The following PPFIA2 variants were observed in gnomAD, a reference collection of about 807,000 sequenced individuals.
The protein encoded by PPFIA2 is liprin-alpha-2.
PPFIA2 carries 46 observed loss-of-function variants against 175.5 expected under a neutral mutation model. The observed-to-expected ratio is 0.26, with a 90% CI of 0.21 to 0.34. PPFIA2 has a LOEUF of 0.34. Among genes scored for constraint, PPFIA2 ranks in the 10% least tolerant of loss-of-function variants. The probability of loss-of-function intolerance (pLI) is 1.00; values close to 1 mark genes in which losing one functional copy is unlikely to be tolerated. For missense variants in PPFIA2, 1,179 were observed against 1,506.1 expected (o/e 0.78, Z 3.60); for synonymous variants, 568 against 511.4 (o/e 1.11, Z -1.49).
chr12:81,588,889 T>A (rs2075647744), intron 4 of PPFIA2, among the ~76,000 whole-genome samples: 1 of 151,972 alleles, frequency 6.6e-6, no homozygotes, highest in Admixed American at 6.6e-5. Context: ...ACTTGCCAAG[T>A]CATTTACATA....
Position 81,642,337 on chromosome 12 carries a change from G to T in PPFIA2, c.303+34454C>A, listed in dbSNP as rs531072179. Among the ~76,000 whole-genome samples, 3 of 151,834 alleles carry T rather than the reference G, an allele frequency of 2.0e-5. No individual in the cohort carries two copies. The South Asian group carries it at 6.2e-4, about 32-fold the overall frequency. On this transcript the variant is annotated intron_variant, in intron 4 of 32. Coordinates refer to ENST00000549396, the MANE Select transcript of PPFIA2 (RefSeq NM_003625.5). ...GCAGAGTTATGTAAGATTTTATGCA[G>T]TTATTTTATCTCTCTGGCCTTAGCT...
At position 81,756,014 on chromosome 12, in the gene PPFIA2, A is replaced by G. The variant is rs74471756; in HGVS notation, c.-2-1791T>C. On this transcript the variant is annotated intron_variant, in intron 2 of 32. Coordinates refer to ENST00000549396, the MANE Select transcript of PPFIA2 (RefSeq NM_003625.5). ...AGATGCTTCAAATTTTCTTTATATT[A>G]ATTGAAAAGGAATTGGAAAACAACA... Among the ~76,000 whole-genome samples, 265 of 152,306 alleles carry G rather than the reference A, an allele frequency of 1.7e-3. 1 individual carries two copies. Among genetic ancestry groups the G allele is most frequent in the African/African-American group, 6.2e-3 (258 of 41,576 alleles).
chr12:81,521,166 GC>G (rs1356105617), intron 4 of PPFIA2, among the ~76,000 whole-genome samples: 1 of 151,324 alleles, frequency 6.6e-6, no homozygotes, highest in Non-Finnish European at 1.5e-5. Context: ...GGAATACAAT[GC>G]ATTCTTGACT....
At chr12:81,312,635 C>A (rs1322514761) in intron 22 of PPFIA2, among the ~76,000 whole-genome samples, 4 of 152,160 alleles carry the variant, frequency 2.6e-5, no homozygotes, top group Non-Finnish European at 4.4e-5. Context: ...TTAGAATGGG[C>A]AGCAACTTGA....
At chr12:81,594,811 G>T (rs1231566806) in intron 4 of PPFIA2, among the ~76,000 whole-genome samples, 1 of 152,102 alleles carries the variant, frequency 6.6e-6, no homozygotes, top group Admixed American at 6.6e-5. Flanking sequence ...TACTTGTGGG[G>T]CTAAGGTGGG....
At chr12:81,339,635 T>C (rs1655979599) in intron 20 of PPFIA2, among the ~76,000 whole-genome samples, 1 of 152,052 alleles carries the variant, frequency 6.6e-6, no homozygotes, top group Admixed American at 6.6e-5. Flanking sequence ...GCATGATAAA[T>C]GGCCTTCTAT....
chr12:81,545,306 T>C (rs964742565), intron 4 of PPFIA2: 1 of 152,158 alleles, frequency 6.6e-6, no homozygotes, highest in African/African-American at 2.4e-5. Flanking sequence ...ACCAATATTT[T>C]CCTTCAGTTT....
chr12:81,519,996 T>A (rs1308262979), intron 4 of PPFIA2, among the ~76,000 whole-genome samples: 2 of 152,202 alleles, frequency 1.3e-5, no homozygotes, highest in Non-Finnish European at 2.9e-5. Context: ...GTTATGTGGA[T>A]GTGGTCTCTC....
intron 7 of PPFIA2, among the ~76,000 whole-genome samples, chr12:81,423,918 C>A (rs1220904257): frequency 1.3e-5 from 2 of 151,978 alleles, no homozygotes; most frequent in African/African-American, 2.4e-5. Context: ...ACAAAATCAA[C>A]ATTCAAAAAT....
At chr12:81,563,663 C>A (rs1035288509) in intron 4 of PPFIA2, among the ~76,000 whole-genome samples, 1 of 152,148 alleles carries the variant, frequency 6.6e-6, no homozygotes, top group South Asian at 2.1e-4. Flanking sequence ...AATCAACACA[C>A]GCTGTTAAAA....
intron 4 of PPFIA2, among the ~76,000 whole-genome samples, chr12:81,556,836 A>G (rs1594900733): frequency 6.6e-6 from 1 of 151,942 alleles, no homozygotes; most frequent in East Asian, 1.9e-4. Context: ...AGAAGCTAAA[A>G]TATAAGATGT....
chr12:81,599,813 G>A (rs2059613725), intron 4 of PPFIA2, among the ~76,000 whole-genome samples: 1 of 151,798 alleles, frequency 6.6e-6, no homozygotes, highest in African/African-American at 2.4e-5. Context: ...GACCTTGATG[G>A]TCTGGAGAGG....
At chr12:81,758,592 G>T in intron 1 of PPFIA2, 85 bp from the exon 2 acceptor site, 1 of 358,220 alleles carries the variant, frequency 2.8e-6, no homozygotes. Context: ...TGGCGTGGCA[G>T]GAGCTCGGCA....
At chr12:81,622,444 G>C (rs2062164299) in intron 4 of PPFIA2, among the ~76,000 whole-genome samples, 1 of 151,982 alleles carries the variant, frequency 6.6e-6, no homozygotes, top group African/African-American at 2.4e-5. Flanking sequence ...CTCAGCATAA[G>C]AATGAATTTT....
At chr12:81,583,595 A>C (rs975173307) in intron 4 of PPFIA2, among the ~76,000 whole-genome samples, 19 of 151,936 alleles carry the variant, frequency 1.3e-4, no homozygotes, top group African/African-American at 4.6e-4. Flanking sequence ...CCAGTAAAAC[A>C]TGCTAAAACA....
intron 14 of PPFIA2, among the ~76,000 whole-genome samples, chr12:81,366,543 C>T (rs1419122111): frequency 6.6e-6 from 1 of 151,628 alleles, no homozygotes; most frequent in East Asian, 1.9e-4. Flanking sequence ...TCTTTCCTAC[C>T]TGTAGCTCTT....
intron 4 of PPFIA2, among the ~76,000 whole-genome samples, chr12:81,531,917 T>A (rs550237934): frequency 3.3e-4 from 50 of 151,900 alleles, no homozygotes; most frequent in African/African-American, 1.1e-3. Context: ...ATTAAATCAC[T>A]TGTGGAAATA....
At chr12:81,337,266 A>G (rs2057284931) in intron 21 of PPFIA2, among the ~76,000 whole-genome samples, 1 of 152,128 alleles carries the variant, frequency 6.6e-6, no homozygotes, top group Non-Finnish European at 1.5e-5. Context: ...GCAGTCCTTA[A>G]CAAGCTGCTG....
chr12:81,571,950 G>A (rs538505654), intron 4 of PPFIA2, among the ~76,000 whole-genome samples: 33 of 152,060 alleles, frequency 2.2e-4, no homozygotes, highest in Admixed American at 3.9e-4. Context: ...GTCTAATTCC[G>A]TATCTGAGCC....
Sources: allele counts gnomAD v4.1 joint callset (sites outside exome capture counted in the v4.1 genomes callset), GRCh38; gene constraint gnomAD v4.1.1; transcripts MANE v1.5; gene names NCBI Gene and HGNC (gene_info 2026-07-23, HGNC 2026-07-21).